The following MACROD2 variants were observed in gnomAD, a reference collection of about 807,000 sequenced individuals.
MACROD2 encodes ADP-ribose glycohydrolase MACROD2.
A neutral mutation model predicts 70.4 loss-of-function variants in MACROD2; 36 were observed. That is an observed-to-expected ratio of 0.51 (90% confidence interval 0.39 to 0.68). The LOEUF is 0.68. Ranked by LOEUF, MACROD2 falls within the 30% of genes least tolerant of loss-of-function variation. The probability of loss-of-function intolerance (pLI) is 0.00; values close to 1 mark genes in which losing one functional copy is unlikely to be tolerated. For synonymous variants in MACROD2, 172 were observed against 178.8 expected, an observed-to-expected ratio of 0.96 and a Z score of 0.30; for missense variants, 496 against 538.4, an observed-to-expected ratio of 0.92 and a Z score of 0.78.
intron 8 of MACROD2, among the ~76,000 whole-genome samples, chr20:15,823,261 G>T (rs1281380164): frequency 6.7e-6 from 1 of 150,014 alleles, no homozygotes; most frequent in Non-Finnish European, 1.5e-5. Context: ...TAAGATAGCA[G>T]CAGGTGAGCT....
chr20:15,472,210 T>A (rs2046971481), intron 7 of MACROD2, among the ~76,000 whole-genome samples: 1 of 152,324 alleles, frequency 6.6e-6, no homozygotes, highest in African/African-American at 2.4e-5. Context: ...GCTTCAACAC[T>A]ATCTCTTCTT....
chr20:14,287,083 C>A (rs1487886927), intron 3 of MACROD2, among the ~76,000 whole-genome samples: 2 of 152,146 alleles, frequency 1.3e-5, no homozygotes, highest in Non-Finnish European at 2.9e-5. Context: ...CATTTCTTAA[C>A]TGAACCCCTA....
chr20:14,015,008 G>A (rs1174466631), intron 2 of MACROD2, among the ~76,000 whole-genome samples: 1 of 134,612 alleles, frequency 7.4e-6, no homozygotes, highest in East Asian at 2.1e-4. Context: ...GTTTTACCAT[G>A]TTGCACAGGC....
intron 3 of MACROD2, among the ~76,000 whole-genome samples, chr20:14,184,359 T>G (rs902028739): frequency 6.6e-6 from 1 of 152,084 alleles, no homozygotes; most frequent in Admixed American, 6.6e-5. Context: ...TTATTTCTGG[T>G]TTCTCTATTC....
chr20:15,748,459 C>T (rs558038299), intron 8 of MACROD2, among the ~76,000 whole-genome samples: 96 of 151,672 alleles, frequency 6.3e-4, no homozygotes, highest in African/African-American at 2.3e-3. Flanking sequence ...TCTATTATCC[C>T]CTCGGATTTG....
At chr20:15,236,120 A>G (rs2077012077) in intron 6 of MACROD2, among the ~76,000 whole-genome samples, 1 of 152,170 alleles carries the variant, frequency 6.6e-6, no homozygotes, top group South Asian at 2.1e-4. Context: ...TTATTTTTCA[A>G]ATTCTCTAAC....
At chr20:15,407,384 CTGTTCACTAG>C (rs1249921100) in intron 6 of MACROD2, among the ~76,000 whole-genome samples, 1 of 152,206 alleles carries the variant, frequency 6.6e-6, no homozygotes. Context: ...CAGTGGTAAC[CTGTTCACTAG>C]TGTACACTCT....
intron 8 of MACROD2, among the ~76,000 whole-genome samples, chr20:15,777,903 G>A (rs146708716): frequency 0.017 from 2,605 of 152,092 alleles, 74 homozygotes; most frequent in African/African-American, 0.058. Flanking sequence ...TGCCTGCCTC[G>A]GCCTCCCAAA....
At chr20:15,986,975 G>C in intron 14 of MACROD2, 91 bp from the exon 15 acceptor site, 1 of 1,254,294 alleles carries the variant, frequency 8.0e-7, no homozygotes. Flanking sequence ...GGGGAAAAAA[G>C]AACTCTAACT....
intron 4 of MACROD2, among the ~76,000 whole-genome samples, chr20:14,587,799 T>C (rs1981484235): frequency 1.3e-5 from 2 of 152,220 alleles, no homozygotes; most frequent in South Asian, 4.1e-4. Flanking sequence ...GCTATATTTT[T>C]GCATGCTGTT....
intron 4 of MACROD2, among the ~76,000 whole-genome samples, chr20:14,642,542 T>TA (rs1985153089): frequency 6.6e-6 from 1 of 152,154 alleles, no homozygotes; most frequent in Non-Finnish European, 1.5e-5. Flanking sequence ...AAGTGAGAGA[T>TA]ATGCAACTCC....
At chr20:15,904,468 A>G (rs2065112885) in intron 10 of MACROD2, among the ~76,000 whole-genome samples, 1 of 151,998 alleles carries the variant, frequency 6.6e-6, no homozygotes, top group Non-Finnish European at 1.5e-5. Context: ...TGATTTCACT[A>G]TGTTTCTCCC....
At chr20:14,642,813 T>C (rs1016684206) in intron 4 of MACROD2, among the ~76,000 whole-genome samples, 5 of 151,898 alleles carry the variant, frequency 3.3e-5, no homozygotes, top group Admixed American at 2.6e-4. Flanking sequence ...ACAATAATAA[T>C]GATAAAGTTA....
chr20:14,883,061 G>A (rs1437918849), intron 5 of MACROD2, among the ~76,000 whole-genome samples: 1 of 152,074 alleles, frequency 6.6e-6, no homozygotes, highest in Non-Finnish European at 1.5e-5. Flanking sequence ...TGGTAATACT[G>A]TTTCTCTTTC....
chr20:16,037,390 T>A (rs1188115913), intron 15 of MACROD2, among the ~76,000 whole-genome samples: 1 of 151,800 alleles, frequency 6.6e-6, no homozygotes, highest in Non-Finnish European at 1.5e-5. Flanking sequence ...CCATTGAGAG[T>A]AACAACTTAG....
intron 3 of MACROD2, among the ~76,000 whole-genome samples, chr20:14,258,899 T>TGAGG (rs887713793): frequency 6.6e-6 from 1 of 152,136 alleles, no homozygotes; most frequent in Middle Eastern, 3.2e-3. Context: ...AGGTAAGAGA[T>TGAGG]GAGGATCCAG....
intron 5 of MACROD2, among the ~76,000 whole-genome samples, chr20:15,057,145 A>G (rs1312396136): frequency 2.6e-5 from 4 of 152,218 alleles, no homozygotes; most frequent in African/African-American, 9.7e-5. Flanking sequence ...TATGATATCA[A>G]TAATGACGAT....
At chr20:15,371,521 A>G (rs1196244535) in intron 6 of MACROD2, among the ~76,000 whole-genome samples, 1 of 152,176 alleles carries the variant, frequency 6.6e-6, no homozygotes, top group African/African-American at 2.4e-5. Flanking sequence ...CAACAGTGCT[A>G]TAGTAAAAGG....
intron 5 of MACROD2, among the ~76,000 whole-genome samples, chr20:15,073,928 A>G (rs1276899576): frequency 1.3e-5 from 2 of 152,158 alleles, no homozygotes; most frequent in African/African-American, 4.8e-5. Flanking sequence ...TTAGAATTTG[A>G]TATAGAAAAT....
Sources: gnomAD v4.1 joint callset for allele counts (sites outside exome capture counted in the v4.1 genomes callset) on GRCh38, gnomAD v4.1.1 for gene constraint, MANE v1.5 for transcripts, NCBI Gene and HGNC (gene_info 2026-07-23, HGNC 2026-07-21) for gene names.